Variants in OXR1 observed in about 807,000 individuals in gnomAD.
OXR1 encodes the protein oxidation resistance protein 1.
OXR1 carries 41 observed loss-of-function variants against 104.6 expected under a neutral mutation model. The ratio of observed to expected loss-of-function variants is 0.39; its 90% CI spans 0.31 to 0.51. The LOEUF is 0.51. Among genes scored for constraint, OXR1 ranks in the 20% least tolerant of loss-of-function variants. OXR1 has a pLI of 0.77. For missense variants in OXR1, 955 were observed against 1,031.9 expected (o/e 0.93, Z 1.02); for synonymous variants, 348 against 348.4 (o/e 1.00, Z 0.01).
At chr8:106,622,685 A>G (rs1490912646) in intron 3 of OXR1, among the ~76,000 whole-genome samples, 1 of 152,106 alleles carries the variant, frequency 6.6e-6, no homozygotes, top group Admixed American at 6.6e-5. Context: ...TTGTCTTTTC[A>G]GTGAGACCTT....
chr8:106,558,617 A>G (rs1816456298), intron 3 of OXR1, among the ~76,000 whole-genome samples: 1 of 152,232 alleles, frequency 6.6e-6, no homozygotes, highest in Admixed American at 6.5e-5. Flanking sequence ...TTGATATCTT[A>G]TTAATATACC....
rs115754225 is a variant in OXR1 at position 106,421,515 on chromosome 8, C to T, written c.23+61879C>T. 4.1e-3 allele frequency among the ~76,000 whole-genome samples: 617 copies of T among 152,246 alleles called. 3 individuals are homozygous for T. The highest frequency in any genetic ancestry group is 0.014 in the African/African-American group (585 of 41,546). On this transcript the variant is annotated intron_variant, in intron 2 of 16. Transcript: ENST00000517566. ...TTTGCTAGTCTTGGCTGGGTTCTCT[C>T]ACATGGCTAGCTGTGGACTGGTCAC...
intron 11 of OXR1, among the ~76,000 whole-genome samples, chr8:106,714,302 G>T (rs535319090): frequency 6.6e-6 from 1 of 151,942 alleles, no homozygotes; most frequent in African/African-American, 2.4e-5. Flanking sequence ...TAATTTTGCT[G>T]TTATATTAAT....
intron 3 of OXR1, among the ~76,000 whole-genome samples, chr8:106,672,512 AAGAAAGAG>A (rs201610163): frequency 0.026 from 2,554 of 97,378 alleles, 38 homozygotes; most frequent in Admixed American, 0.082. Flanking sequence ...GAGAGAAAGA[AAGAAAGAG>A]AGAGAGAGAG....
chr8:106,711,707 C>G (rs373209602), intron 10 of OXR1, among the ~76,000 whole-genome samples: 3 of 152,190 alleles, frequency 2.0e-5, no homozygotes, highest in African/African-American at 7.2e-5. Flanking sequence ...ATCAGAACAT[C>G]AGCAATTGTG....
At chr8:106,699,774 G>A (rs1830424823) in intron 7 of OXR1, among the ~76,000 whole-genome samples, 2 of 152,178 alleles carry the variant, frequency 1.3e-5, no homozygotes, top group Admixed American at 1.3e-4. Context: ...AAGGAGATAA[G>A]CAGGAAGTGG....
At position 106,443,731 on chromosome 8, in the gene OXR1, C is replaced by CCTGCTTATT. The variant is rs1819890512; in HGVS notation, c.24-75211_24-75203dup. Among the ~76,000 whole-genome samples the CCTGCTTATT allele has an allele frequency of 2.6e-5, 4 of 152,108 alleles. No individual in the cohort carries two copies. In the South Asian group the frequency reaches 8.3e-4, roughly 32 times the overall value. On this transcript the variant is annotated intron_variant, in intron 2 of 16. Transcript: ENST00000517566. ...TTTATAAGAGACTAGGATTGCAACC[C>CCTGCTTATT]CTGCTTATTTCTTTGCTTTCCAAGG...
intron 11 of OXR1, among the ~76,000 whole-genome samples, chr8:106,724,235 C>T (rs1165575218): frequency 6.6e-6 from 1 of 152,072 alleles, no homozygotes; most frequent in Admixed American, 6.6e-5. Context: ...ATTATGAGAA[C>T]AGATTATGTT....
intron 2 of OXR1, among the ~76,000 whole-genome samples, chr8:106,398,948 C>T (rs1384515951): frequency 6.6e-6 from 1 of 152,120 alleles, no homozygotes; most frequent in Non-Finnish European, 1.5e-5. Flanking sequence ...TTTTTCTCAT[C>T]TTCCCTAAAA....
chr8:106,542,740 A>G (rs1167754162), intron 3 of OXR1, among the ~76,000 whole-genome samples: 2 of 152,132 alleles, frequency 1.3e-5, no homozygotes, highest in Non-Finnish European at 2.9e-5. Context: ...GTATCGCTGC[A>G]AGAAAGTAAA....
chr8:106,325,435 G>GT (rs1479285114), intron 1 of OXR1, among the ~76,000 whole-genome samples: 7 of 152,174 alleles, frequency 4.6e-5, no homozygotes, highest in East Asian at 1.9e-4. Flanking sequence ...AGATTTCCTA[G>GT]TTTTTTTATC....
chr8:106,387,819 G>T (rs1164346932), intron 2 of OXR1, among the ~76,000 whole-genome samples: 1 of 152,172 alleles, frequency 6.6e-6, no homozygotes, highest in Non-Finnish European at 1.5e-5. Flanking sequence ...CTCTTGAGTA[G>T]TATGCATCAC....
At chr8:106,659,905 C>G (rs1417030878) in intron 3 of OXR1, among the ~76,000 whole-genome samples, 1 of 152,200 alleles carries the variant, frequency 6.6e-6, no homozygotes, top group Admixed American at 6.5e-5. Flanking sequence ...TATTCCTCTT[C>G]TGTTGAAGCT....
At position 106,317,605 on chromosome 8, in the gene OXR1, G is replaced by A. The variant is rs371874050; in HGVS notation, c.-138-41871G>A. ...CATCTCCGAGGTGACTTTCTAGTTA[G>A]GACACCATTGGATCAAGGTGCTCAA... On this transcript the variant is annotated intron_variant, in intron 1 of 16. Transcript: ENST00000517566. Among the ~76,000 whole-genome samples the A allele has an allele frequency of 2.0e-5, 3 of 152,162 alleles. No individual in the cohort carries two copies. The East Asian group carries it at 5.8e-4, about 30-fold the overall frequency.
At chr8:106,588,730 C>T (rs529513847) in intron 3 of OXR1, among the ~76,000 whole-genome samples, 12 of 152,168 alleles carry the variant, frequency 7.9e-5, no homozygotes, top group East Asian at 5.8e-4. Flanking sequence ...CCGCCCTCCT[C>T]GGCCTCCCAA....
intron 3 of OXR1, among the ~76,000 whole-genome samples, chr8:106,566,275 C>T (rs543052301): frequency 6.6e-6 from 1 of 151,562 alleles, no homozygotes; most frequent in Non-Finnish European, 1.5e-5. Context: ...AAGAAAGTTA[C>T]AAGAAAAAAA....
chr8:106,411,994 C>A (rs1216439974), intron 2 of OXR1, among the ~76,000 whole-genome samples: 1 of 152,080 alleles, frequency 6.6e-6, no homozygotes, highest in Non-Finnish European at 1.5e-5. Context: ...AGCTTCTCAG[C>A]AATAAAGTGG....
At chr8:106,441,577 C>T (rs2602293) in intron 2 of OXR1, among the ~76,000 whole-genome samples, 1 of 151,826 alleles carries the variant, frequency 6.6e-6, no homozygotes. Context: ...TTGTTTGTGT[C>T]CTCTCTTACT....
At chr8:106,662,717 T>G (rs1825883869) in intron 3 of OXR1, among the ~76,000 whole-genome samples, 1 of 152,166 alleles carries the variant, frequency 6.6e-6, no homozygotes, top group African/African-American at 2.4e-5. Flanking sequence ...CTGTGTTGGT[T>G]ATTGGGCATG....
Sources: allele counts gnomAD v4.1 joint callset (sites outside exome capture counted in the v4.1 genomes callset), GRCh38; gene constraint gnomAD v4.1.1; transcripts MANE v1.5; gene names NCBI Gene and HGNC (gene_info 2026-07-23, HGNC 2026-07-21).